ATP13A4: variants seen among roughly 807,000 people sequenced by gnomAD.
ATP13A4 encodes the protein probable cation-transporting ATPase 13A4.
ATP13A4 carries 114 observed loss-of-function variants against 142.5 expected under a neutral mutation model. The observed-to-expected ratio is 0.80, with a 90% CI of 0.69 to 0.93. The LOEUF (loss-of-function observed/expected upper bound fraction) is 0.93. Among genes scored for constraint, ATP13A4 ranks in the 40% least tolerant of loss-of-function variants. ATP13A4 has a pLI of 0.00. For synonymous variants in ATP13A4, 488 were observed against 514.8 expected (o/e 0.95, Z 0.70); for missense variants, 1,392 against 1,454.0 (o/e 0.96, Z 0.69).
intron 28 of ATP13A4, among the ~76,000 whole-genome samples, chr3:193,408,720 G>A (rs1012598319): frequency 6.6e-6 from 1 of 152,166 alleles, no homozygotes; most frequent in African/African-American, 2.4e-5. Context: ...ACTCCTGATG[G>A]GCAACTTTGG....
At chr3:193,537,990 C>G (rs1342478434) in intron 1 of ATP13A4, among the ~76,000 whole-genome samples, 2 of 151,990 alleles carry the variant, frequency 1.3e-5, no homozygotes, top group African/African-American at 4.8e-5. Flanking sequence ...ATAAAAAAAA[C>G]AAAATGGAGT....
upstream of ATP13A4, among the ~76,000 whole-genome samples, chr3:193,559,263 G>C (rs984840030): frequency 6.6e-6 from 1 of 152,132 alleles, no homozygotes; most frequent in Admixed American, 6.5e-5. Context: ...TCATAAAGAG[G>C]TCACAAAGAG....
At chr3:193,435,066 A>G (rs1716187421) in intron 24 of ATP13A4, among the ~76,000 whole-genome samples, 1 of 152,222 alleles carries the variant, frequency 6.6e-6, no homozygotes, top group African/African-American at 2.4e-5. Flanking sequence ...ATATTTTTCT[A>G]CATTTTACTG....
At chr3:193,443,502 AAAAC>A (rs1373750797) in intron 18 of ATP13A4, among the ~76,000 whole-genome samples, 3 of 152,248 alleles carry the variant, frequency 2.0e-5, no homozygotes, top group East Asian at 1.9e-4. Context: ...TTGCTAGCCC[AAAAC>A]AAACAAACAA....
intron 28 of ATP13A4, among the ~76,000 whole-genome samples, chr3:193,409,773 T>C (rs1022422508): frequency 9.9e-5 from 15 of 152,236 alleles, no homozygotes; most frequent in African/African-American, 2.9e-4. Flanking sequence ...CACTGTGGGT[T>C]TGTGCAGGTG....
chr3:193,456,914 G>C (rs550564240), intron 16 of ATP13A4, 86 bp downstream of exon 16: 8 of 1,495,408 alleles, frequency 5.3e-6, no homozygotes, highest in Non-Finnish European at 7.3e-6. Flanking sequence ...ACCCATAGGC[G>C]ATTGAATTAA....
intron 1 of ATP13A4, among the ~76,000 whole-genome samples, chr3:193,550,454 A>G (rs1181398642): frequency 6.6e-6 from 1 of 152,032 alleles, no homozygotes; most frequent in African/African-American, 2.4e-5. Context: ...CTACAGGTGG[A>G]TACCACCACA....
intron 1 of ATP13A4, among the ~76,000 whole-genome samples, chr3:193,587,057 T>A (rs766029938): frequency 9.9e-5 from 15 of 152,220 alleles, no homozygotes; most frequent in Non-Finnish European, 2.2e-4. Flanking sequence ...CTTTGGTAAA[T>A]TTATGGCTAA....
At chr3:193,482,187 G>T (rs1037348579) in intron 8 of ATP13A4, among the ~76,000 whole-genome samples, 10 of 152,090 alleles carry the variant, frequency 6.6e-5, no homozygotes, top group African/African-American at 2.4e-4. Context: ...ACTCAATTCA[G>T]TGGAGAAAAC....
intron 2 of ATP13A4, among the ~76,000 whole-genome samples, chr3:193,503,319 A>G (rs947488741): frequency 2.6e-5 from 4 of 152,178 alleles, no homozygotes; most frequent in African/African-American, 9.7e-5. Context: ...GACCCTAATT[A>G]AAATTGCTTC....
intron 2 of ATP13A4, among the ~76,000 whole-genome samples, chr3:193,513,415 A>G (rs1363662660): frequency 2.0e-5 from 3 of 152,198 alleles, no homozygotes; most frequent in Non-Finnish European, 4.4e-5. Context: ...CCATGGGCTG[A>G]TGCATTCTTA....
At chr3:193,523,309 A>C (rs994283624) in intron 1 of ATP13A4, among the ~76,000 whole-genome samples, 1 of 151,938 alleles carries the variant, frequency 6.6e-6, no homozygotes, top group Non-Finnish European at 1.5e-5. Context: ...CGTCTCAAAA[A>C]AAAAAAAATC....
chr3:193,587,411 A>G (rs1169432148), intron 1 of ATP13A4, among the ~76,000 whole-genome samples: 2 of 152,154 alleles, frequency 1.3e-5, no homozygotes, highest in Admixed American at 1.3e-4. Flanking sequence ...TATGTGTGTG[A>G]AAATCTCCCT....
At chr3:193,408,528 C>G (rs545286636) in intron 28 of ATP13A4, among the ~76,000 whole-genome samples, 69 of 152,254 alleles carry the variant, frequency 4.5e-4, no homozygotes, top group African/African-American at 1.6e-3. Context: ...TTGTAGCAGC[C>G]ATGAAAATTT....
chr3:193,466,931 A>G lies in ATP13A4; in HGVS notation c.1114+385T>C, dbSNP rs564996761. Among the ~76,000 whole-genome samples the G allele has an allele frequency of 1.8e-4, 27 of 152,214 alleles. 1 individual carries two copies. The East Asian group carries it at 5.0e-3, about 28-fold the overall frequency. On this transcript the variant is annotated intron_variant, in intron 10 of 29. Transcript: ENST00000342695. ...CTGTAGGTAAGACTTCTCCTTGTCT[A>G]TGGGTCCAAAAAAAAATGGAAAGAA... is the stretch of plus-strand genomic sequence containing the variant.
intron 2 of ATP13A4, among the ~76,000 whole-genome samples, chr3:193,513,789 C>T (rs1721259033): frequency 6.6e-6 from 1 of 152,196 alleles, no homozygotes. Context: ...ATGTGACATG[C>T]TCTCATCAAT....
chr3:193,503,829 C>T (rs1003132985), intron 2 of ATP13A4, among the ~76,000 whole-genome samples: 3 of 152,052 alleles, frequency 2.0e-5, no homozygotes, highest in African/African-American at 7.2e-5. Flanking sequence ...TGAGAACCTC[C>T]CTAATTACTC....
intron 8 of ATP13A4, among the ~76,000 whole-genome samples, chr3:193,478,751 C>G (rs560525966): frequency 2.0e-5 from 3 of 152,026 alleles, no homozygotes; most frequent in African/African-American, 7.2e-5. Context: ...AGAGGAAATC[C>G]TCCCTAAATC....
At chr3:193,482,604 T>C (rs1006953869) in intron 8 of ATP13A4, among the ~76,000 whole-genome samples, 1 of 152,194 alleles carries the variant, frequency 6.6e-6, no homozygotes, top group African/African-American at 2.4e-5. Flanking sequence ...TTTGAACAAA[T>C]ACTTCACCAA....
Sources: allele counts gnomAD v4.1 joint callset (sites outside exome capture counted in the v4.1 genomes callset), GRCh38; gene constraint gnomAD v4.1.1; transcripts MANE v1.5; gene names NCBI Gene and HGNC (gene_info 2026-07-23, HGNC 2026-07-21).